Variants in INTS7 observed in about 807,000 individuals in gnomAD.
The protein encoded by INTS7 is chromosome 1 open reading frame 73.
Under a neutral mutation model 109.2 loss-of-function variants are expected in INTS7, and 46 were observed. The ratio of observed to expected loss-of-function variants is 0.42; its 90% CI spans 0.33 to 0.54. The LOEUF (loss-of-function observed/expected upper bound fraction) is 0.54. Among genes scored for constraint, INTS7 ranks in the 20% least tolerant of loss-of-function variants. INTS7 has a pLI of 0.07. For synonymous variants in INTS7, 412 were observed against 402.9 expected (o/e 1.02, Z -0.27); for missense variants, 929 against 1,132.4 (o/e 0.82, Z 2.58).
Position 212,023,260 on chromosome 1 carries a change from T to C in INTS7, c.95-2048A>G, listed in dbSNP as rs115192911. Among the ~76,000 whole-genome samples the C allele has an allele frequency of 4.3e-3, 654 of 152,342 alleles. 3 individuals carry two copies. The highest frequency in any genetic ancestry group is 0.015 in the African/African-American group (622 of 41,576). ...GCAGAATGATTTATTTTCCTTTGTG[T>C]ATATATCCAGTAATGGGATTACTGG... On this transcript the variant is annotated intron_variant, in intron 1 of 19. Transcript: ENST00000366994.
intron 6 of INTS7, among the ~76,000 whole-genome samples, 177 bp downstream of exon 6, chr1:212,007,073 C>A (rs1281192380): frequency 6.6e-6 from 1 of 151,818 alleles, no homozygotes; most frequent in African/African-American, 2.4e-5. Flanking sequence ...GGGCTCCCAA[C>A]AATCAGTACT....
rs975866301 is a variant in INTS7, at chr1:211,955,673, C to T, written c.2184-2972G>A. ...TTCCCTACTATCATTTTAATGCCTA[C>T]TATGTACAAGGCATTTCAGCCAGGT... On this transcript the variant is annotated intron_variant, in intron 16 of 19. Coordinates refer to ENST00000366994, the MANE Select transcript of INTS7 (RefSeq NM_015434.4). Among the ~76,000 whole-genome samples the T allele has an allele frequency of 2.0e-5, 3 of 152,316 alleles. No homozygotes were observed. In the South Asian group the frequency reaches 6.2e-4, roughly 32 times the overall value.
Position 211,987,959 on chromosome 1 carries a change from T to C in INTS7, c.924A>G (p.Lys308=), listed in dbSNP as rs377352872. The C allele has an allele frequency of 2.9e-5, 46 of 1,612,698 alleles. No homozygotes were observed. Among genetic ancestry groups the C allele is most frequent in the Non-Finnish European group, 3.9e-5 (46 of 1,178,848 alleles). The change falls in exon 8 of 20, where the codon AAA becomes AAG. Residue 308 remains lysine (K), a synonymous_variant. Transcript: ENST00000366994. Reference sequence around the variant, plus strand: ...TGGAAAGGACAGACAACATCCCTAGTTTTAAGCTGTCATAAGGAGTCTGGA... The same window carrying C: ...TGGAAAGGACAGACAACATCCCTAGCTTTAAGCTGTCATAAGGAGTCTGGA... ...CALQTPYDSL[K]LGMLSVLSTL... is the part of the protein sequence containing the mutation.
intron 1 of INTS7, among the ~76,000 whole-genome samples, 183 bp from the exon 2 acceptor site, chr1:212,021,395 GCTA>G (rs1029417737): frequency 6.6e-6 from 1 of 151,662 alleles, no homozygotes; most frequent in South Asian, 2.1e-4. Flanking sequence ...TCTGGAAATC[GCTA>G]CTTTTAGATA....
intron 4 of INTS7, among the ~76,000 whole-genome samples, chr1:212,016,109 A>C (rs992655337): frequency 6.6e-6 from 1 of 152,198 alleles, no homozygotes; most frequent in African/African-American, 2.4e-5. Flanking sequence ...GCTCAATGGA[A>C]GAAATTTAGG....
intron 5 of INTS7, among the ~76,000 whole-genome samples, chr1:212,010,976 C>T (rs564830612): frequency 2.4e-4 from 36 of 152,284 alleles, no homozygotes; most frequent in African/African-American, 8.2e-4. Flanking sequence ...ATCACCTCAT[C>T]AGAGACTGTC....
At chr1:212,003,669 TACAAG>T (rs1017336294) in intron 7 of INTS7, among the ~76,000 whole-genome samples, 1 of 152,212 alleles carries the variant, frequency 6.6e-6, no homozygotes, top group Non-Finnish European at 1.5e-5. Flanking sequence ...ATCTTAATTA[TACAAG>T]ACAATAATAC....
At chr1:212,020,625 TGCATATGAGCAC>T in intron 2 of INTS7, 7 of 383,316 alleles carry the variant, frequency 1.8e-5, no homozygotes, top group Non-Finnish European at 2.6e-5. Flanking sequence ...TGGTATTGTG[TGCATATGAGCAC>T]GAGTGCATGG....
At chr1:211,980,648 G>A (rs1664622816) in intron 10 of INTS7, among the ~76,000 whole-genome samples, 1 of 151,976 alleles carries the variant, frequency 6.6e-6, no homozygotes, top group South Asian at 2.1e-4. Flanking sequence ...ATGCTGCCCA[G>A]GCTGGTCTTG....
chr1:211,941,723 G>C lies in INTS7; in HGVS notation c.*101C>G, dbSNP rs778268152. The stretch of plus-strand genomic sequence containing the variant: ...ACATTACAAAAATCAATGAATAAAT[G>C]AACTACACTGTAACTTTAATACTTA... On this transcript the variant is annotated 3_prime_UTR_variant, in exon 20 of 20. Coordinates refer to ENST00000366994, the MANE Select transcript of INTS7 (RefSeq NM_015434.4). 2.0e-6 allele frequency: 3 copies of C among 1,463,496 alleles called. No individual in the cohort carries two copies. The highest frequency in any genetic ancestry group is 1.8e-6 in the Non-Finnish European group (2 of 1,087,618). 90.7% of individuals were successfully genotyped at this position (1,463,496 alleles called of 1,614,324 possible).
rs542624162 is a variant in INTS7, at chr1:212,030,390, G to T, written c.94+4954C>A. On this transcript the variant is annotated intron_variant, in intron 1 of 19. Coordinates refer to ENST00000366994, the MANE Select transcript of INTS7 (RefSeq NM_015434.4). ...TGCAACCTCTGCCTCCTGGGTTCAAGTGACTCTCCTGTCTCAGCCTCCTGA... is the reference window on the plus strand; with the variant it reads ...TGCAACCTCTGCCTCCTGGGTTCAATTGACTCTCCTGTCTCAGCCTCCTGA... 8.1e-4 allele frequency among the ~76,000 whole-genome samples: 123 copies of T among 151,858 alleles called. 1 individual carries two copies. The highest frequency in any genetic ancestry group is 6.3e-3 in the South Asian group (30 of 4,798).
At chr1:211,948,940 C>G (rs375291497) in intron 17 of INTS7, among the ~76,000 whole-genome samples, 3 of 152,196 alleles carry the variant, frequency 2.0e-5, no homozygotes, top group Non-Finnish European at 4.4e-5. Context: ...CTCCTGACCT[C>G]GTGATCCACC....
chr1:211,987,651 A>C (rs1664950354), intron 8 of INTS7, among the ~76,000 whole-genome samples: 2 of 148,010 alleles, frequency 1.4e-5, no homozygotes, highest in African/African-American at 4.9e-5. Flanking sequence ...CATATAATTC[A>C]AAAAAAAAAG....
chr1:211,982,600 A>T, intron 9 of INTS7, 76 bp downstream of exon 9: 4 of 1,078,760 alleles, frequency 3.7e-6, no homozygotes, highest in Non-Finnish European at 5.1e-6. Context: ...ATAAGGGATT[A>T]AAAAAAAATC....
intron 7 of INTS7, among the ~76,000 whole-genome samples, chr1:212,002,173 C>T (rs74998408): frequency 6.6e-6 from 1 of 152,336 alleles, no homozygotes; most frequent in East Asian, 1.9e-4. Flanking sequence ...CTACACTATA[C>T]CAGGAAATCC....
chr1:211,996,463 C>A (rs1204631037), intron 7 of INTS7, among the ~76,000 whole-genome samples: 1 of 151,832 alleles, frequency 6.6e-6, no homozygotes, highest in Non-Finnish European at 1.5e-5. Flanking sequence ...TCTTTTCAAA[C>A]CCCTGAACTG....
At chr1:211,972,526 A>T (rs1558033276) in intron 13 of INTS7, among the ~76,000 whole-genome samples, 1 of 152,250 alleles carries the variant, frequency 6.6e-6, no homozygotes, top group Non-Finnish European at 1.5e-5. Context: ...CTCAAAATAC[A>T]AAACACTCCT....
At chr1:211,975,936 G>A (rs1664398675) in intron 12 of INTS7, among the ~76,000 whole-genome samples, 1 of 141,596 alleles carries the variant, frequency 7.1e-6, no homozygotes, top group Admixed American at 7.5e-5. Context: ...TCAAACTTTG[G>A]TCTCTGGACT....
In INTS7 at chr1:211,990,336, C is replaced by T. The variant is rs374252697; in HGVS notation, c.880-2333G>A. Among the ~76,000 whole-genome samples the T allele has an allele frequency of 6.6e-4, 100 of 151,428 alleles. 2 individuals are homozygous for T. The South Asian group carries it at 0.021, about 31-fold the overall frequency. The stretch of plus-strand genomic sequence containing the variant: ...TAGCTGCTAATATAAGATGTTCCCC[C>T]ATATTAAGAGGTAAAAGGTTTAGAA... On this transcript the variant is annotated intron_variant, in intron 7 of 19. Transcript: ENST00000366994.
Sources: gnomAD v4.1 joint callset for allele counts (sites outside exome capture counted in the v4.1 genomes callset) on GRCh38, gnomAD v4.1.1 for gene constraint, MANE v1.5 for transcripts, NCBI Gene and HGNC (gene_info 2026-07-23, HGNC 2026-07-21) for gene names.